Variants in ROBO1 observed in about 807,000 individuals in gnomAD.
ROBO1 encodes the protein roundabout guidance receptor 1, also known as roundabout homolog 1.
In ROBO1, 149 loss-of-function variants were observed where a neutral mutation model predicts 195.9. The observed-to-expected ratio is 0.76, with a 90% CI of 0.67 to 0.87. ROBO1 has a LOEUF of 0.87. Ranked by LOEUF, ROBO1 falls within the 40% of genes least tolerant of loss-of-function variation. The pLI, the probability that ROBO1 is intolerant of heterozygous loss-of-function variation, is 0.00. For missense variants in ROBO1, 1,933 were observed against 2,068.3 expected, an observed-to-expected ratio of 0.93 and a Z score of 1.27; for synonymous variants, 816 against 733.2, an observed-to-expected ratio of 1.11 and a Z score of -1.82.
intron 3 of ROBO1, among the ~76,000 whole-genome samples, chr3:78,949,294 T>G (rs1203253778): frequency 8.4e-6 from 1 of 119,122 alleles, no homozygotes; most frequent in Non-Finnish European, 1.7e-5. Flanking sequence ...AACAGCATGG[T>G]ACTGGTACCA....
chr3:78,779,176 C>T (rs1018782495), intron 4 of ROBO1, among the ~76,000 whole-genome samples: 2 of 152,054 alleles, frequency 1.3e-5, no homozygotes, highest in African/African-American at 4.8e-5. Context: ...CAGGCAATAC[C>T]ATTCAGGACA....
chr3:79,318,530 A>G (rs1048391626), intron 2 of ROBO1, among the ~76,000 whole-genome samples: 3 of 152,212 alleles, frequency 2.0e-5, no homozygotes, highest in African/African-American at 7.2e-5. Flanking sequence ...GAGCCAGATT[A>G]TTTAGATTTA....
intron 4 of ROBO1, among the ~76,000 whole-genome samples, chr3:78,799,405 A>G (rs1195684919): frequency 6.6e-6 from 1 of 151,058 alleles, no homozygotes; most frequent in African/African-American, 2.4e-5. Flanking sequence ...GCAGTGGCAC[A>G]ATCTCGGCTC....
intron 4 of ROBO1, among the ~76,000 whole-genome samples, chr3:78,775,377 T>G (rs952777456): frequency 1.3e-5 from 2 of 152,152 alleles, no homozygotes; most frequent in African/African-American, 4.8e-5. Flanking sequence ...CATTCCTATT[T>G]ATATAATACA....
At chr3:78,904,115 G>GTATATATACAACATATATATACA (rs2037751590) in intron 4 of ROBO1, among the ~76,000 whole-genome samples, 1 of 151,422 alleles carries the variant, frequency 6.6e-6, no homozygotes, top group African/African-American at 2.4e-5. Flanking sequence ...ATTAGTGTAT[G>GTATATATACAACATATATATACA]TATATATACA....
rs184322143 is a variant in ROBO1, at chr3:79,413,699, G to C, written c.88+176125C>G. Among the ~76,000 whole-genome samples the C allele has an allele frequency of 2.4e-3, 370 of 152,148 alleles. 2 individuals are homozygous for C. The highest frequency in any genetic ancestry group is 7.6e-3 in the African/African-American group (315 of 41,540). On this transcript the variant is annotated intron_variant, in intron 2 of 30. Coordinates refer to ENST00000464233, the MANE Select transcript of ROBO1 (RefSeq NM_002941.4). The stretch of plus-strand genomic sequence containing the variant: ...ACTATTCTGAATCTGTTTCCAACTT[G>C]TATTTTGCCAAATTTTTAATTAAAA...
intron 1 of ROBO1, among the ~76,000 whole-genome samples, chr3:79,669,743 A>C (rs1432339278): frequency 6.6e-6 from 1 of 151,886 alleles, no homozygotes; most frequent in Non-Finnish European, 1.5e-5. Flanking sequence ...GGGAGAAAAA[A>C]GGATAAAAGG....
At chr3:79,013,232 G>C (rs1000849977) in intron 3 of ROBO1, among the ~76,000 whole-genome samples, 3 of 152,240 alleles carry the variant, frequency 2.0e-5, no homozygotes, top group African/African-American at 7.2e-5. Context: ...ATTCAGAGCA[G>C]AGCAAAATCT....
chr3:79,144,449 C>T (rs2080601786), intron 2 of ROBO1, among the ~76,000 whole-genome samples: 1 of 151,804 alleles, frequency 6.6e-6, no homozygotes, highest in Non-Finnish European at 1.5e-5. Flanking sequence ...CACTTTTTTC[C>T]TCTTTCCCCT....
chr3:79,115,334 A>G (rs144937220), intron 3 of ROBO1, among the ~76,000 whole-genome samples: 196 of 152,290 alleles, frequency 1.3e-3, no homozygotes, highest in African/African-American at 4.5e-3. Context: ...ATATGTAACA[A>G]CAAAGTCTGG....
chr3:79,243,740 A>G (rs1369796730), intron 2 of ROBO1, among the ~76,000 whole-genome samples: 1 of 152,204 alleles, frequency 6.6e-6, no homozygotes, highest in African/African-American at 2.4e-5. Flanking sequence ...GCCCTTTGTC[A>G]GATGAGTAGA....
intron 1 of ROBO1, among the ~76,000 whole-genome samples, chr3:79,619,475 C>A (rs1033844696): frequency 6.6e-6 from 1 of 152,058 alleles, no homozygotes; most frequent in Non-Finnish European, 1.5e-5. Context: ...TTCTAAATGG[C>A]CAGAAAATGG....
At chr3:78,633,100 A>T (rs1356850174) in intron 24 of ROBO1, among the ~76,000 whole-genome samples, 1 of 152,158 alleles carries the variant, frequency 6.6e-6, no homozygotes, top group East Asian at 1.9e-4. Context: ...TTACAGAAGA[A>T]GGGTGGAGAC....
chr3:79,733,524 A>G (rs1300872740), intron 1 of ROBO1, among the ~76,000 whole-genome samples: 1 of 152,114 alleles, frequency 6.6e-6, no homozygotes, highest in Non-Finnish European at 1.5e-5. Flanking sequence ...CACCCATGTA[A>G]GCCATCAGTG....
chr3:79,137,952 C>T (rs1196981301), intron 2 of ROBO1, among the ~76,000 whole-genome samples: 1 of 152,022 alleles, frequency 6.6e-6, no homozygotes, highest in East Asian at 1.9e-4. Context: ...ACCAGAACTT[C>T]TTCATGTGTC....
At chr3:79,105,412 T>C (rs1173456886) in intron 3 of ROBO1, among the ~76,000 whole-genome samples, 1 of 151,696 alleles carries the variant, frequency 6.6e-6, no homozygotes, top group East Asian at 1.9e-4. Flanking sequence ...TATAATACGA[T>C]TGTACACCTG....
chr3:79,550,974 C>T (rs1225007132), intron 2 of ROBO1, among the ~76,000 whole-genome samples: 1 of 152,066 alleles, frequency 6.6e-6, no homozygotes, highest in Non-Finnish European at 1.5e-5. Context: ...ACTGGGTTAG[C>T]TATAAAAGAA....
At chr3:78,758,188 G>T (rs1003953076) in intron 4 of ROBO1, among the ~76,000 whole-genome samples, 1 of 152,128 alleles carries the variant, frequency 6.6e-6, no homozygotes, top group Non-Finnish European at 1.5e-5. Context: ...TCTTATTAAT[G>T]ATGCTATCTT....
chr3:79,422,441 T>G (rs1251130244), intron 2 of ROBO1, among the ~76,000 whole-genome samples: 1 of 152,010 alleles, frequency 6.6e-6, no homozygotes, highest in Non-Finnish European at 1.5e-5. Context: ...TACGTAACAT[T>G]GCAAAGGGAA....
Sources: gnomAD v4.1 joint callset for allele counts (sites outside exome capture counted in the v4.1 genomes callset) on GRCh38, gnomAD v4.1.1 for gene constraint, MANE v1.5 for transcripts, NCBI Gene and HGNC (gene_info 2026-07-23, HGNC 2026-07-21) for gene names.